The following PRDM8 variants were observed in gnomAD, a reference collection of about 807,000 sequenced individuals.
PRDM8 encodes PR/SET domain 8, also known as PR domain zinc finger protein 8.
PRDM8 carries 13 observed loss-of-function variants against 46.5 expected under a neutral mutation model. The observed-to-expected ratio is 0.28, with a 90% confidence interval of 0.18 to 0.44. PRDM8 has a LOEUF of 0.44. Ranked by LOEUF, PRDM8 falls within the 20% of genes least tolerant of loss-of-function variation. The pLI is 1.00. For missense variants in PRDM8, 998 were observed against 955.0 expected (o/e 1.04, Z -0.59); for synonymous variants, 473 against 438.4 (o/e 1.08, Z -0.98).
At chr4:80,198,465 A>T (rs1738138603) in intron 1 of PRDM8, among the ~76,000 whole-genome samples, 2 of 152,200 alleles carry the variant, frequency 1.3e-5, no homozygotes, top group South Asian at 4.1e-4. Flanking sequence ...TGGGGTTTTT[A>T]AAATGTATTT....
At position 80,202,544 on chromosome 4, in the gene PRDM8, AC is replaced by A; in HGVS notation, c.1083del (p.Phe362SerfsTer28). 1 of 1,535,692 alleles carries A rather than the reference AC, an allele frequency of 6.5e-7. No homozygotes were observed. The highest frequency in any genetic ancestry group is 8.7e-7 in the Non-Finnish European group (1 of 1,146,462). ...CAGCAGTACCGAGCCTCGGGCAGCT[AC>A]TTCGGCCTGGAAGAGAACGGCCGCC... is the stretch of plus-strand genomic sequence containing the variant. ...TPQQYRASGS[Y>X]FGLEENGRLF... is the part of the protein sequence containing the mutation. On this transcript the variant is annotated frameshift_variant, in exon 4 of 4. Transcript: ENST00000415738. LOFTEE classifies it high-confidence loss of function.
chr4:80,203,491 G>A lies in PRDM8; in HGVS notation c.2029G>A (p.Glu677Lys). Residue 677 changes from glutamate to lysine, a missense_variant, in exon 4 of 4, where the codon GAG becomes AAG. Transcript: ENST00000415738. ...CCCCATCTGCAATGAGTCCTTCAGG[G>A]AGCGCCACCACCTCTCCAGGCACAT... ...KCPICNESFR[E>K]RHHLSRHMTS... 1 of 1,613,244 alleles carries A rather than the reference G, an allele frequency of 6.2e-7. No individual in the cohort carries two copies. The highest frequency in any genetic ancestry group is 8.5e-7 in the Non-Finnish European group (1 of 1,179,694).
upstream of PRDM8, chr4:80,196,985 G>C: frequency 6.1e-6 from 6 of 985,440 alleles, no homozygotes; most frequent in African/African-American, 3.5e-5. Context: ...TAGTGTTGGC[G>C]CTCCTGAAGA....
intron 2 of PRDM8, among the ~76,000 whole-genome samples, chr4:80,191,844 A>G (rs1387234021): frequency 6.6e-6 from 1 of 152,192 alleles, no homozygotes; most frequent in African/African-American, 2.4e-5. Flanking sequence ...GATAGTTTTC[A>G]CTCAGAGTTC....
chr4:80,203,741 C>G lies in PRDM8; in HGVS notation c.*209C>G, dbSNP rs1048614856. 21 of 480,858 alleles carry G rather than the reference C, an allele frequency of 4.4e-5. No homozygotes were observed. Among genetic ancestry groups the G allele is most frequent in the Non-Finnish European group, 1.1e-5 (3 of 274,612 alleles). 29.8% of individuals were successfully genotyped at this position (480,858 alleles called of 1,614,324 possible). On this transcript the variant is annotated 3_prime_UTR_variant, in exon 4 of 4. Transcript: ENST00000415738. The stretch of plus-strand genomic sequence containing the variant: ...CAAATATTTACCCGGGACACACACC[C>G]CCCCCCACACACACACACAGACACA...
chr4:80,188,027 CACT>C (rs1737254096), intron 1 of PRDM8, among the ~76,000 whole-genome samples: 1 of 152,194 alleles, frequency 6.6e-6, no homozygotes, highest in Non-Finnish European at 1.5e-5. Context: ...TGTACCTAAA[CACT>C]AAAGACAAAA....
chr4:80,186,847 C>T (rs761980158), intron 1 of PRDM8, among the ~76,000 whole-genome samples: 6 of 152,204 alleles, frequency 3.9e-5, no homozygotes, highest in African/African-American at 7.2e-5. Context: ...AAAACCAAAG[C>T]TATTCAGGCT....
At chr4:80,195,508 GTGTGTGTGTGTGTT>G (rs1012560206), upstream of PRDM8, among the ~76,000 whole-genome samples, 2 of 151,782 alleles carry the variant, frequency 1.3e-5, no homozygotes, top group Non-Finnish European at 2.9e-5. Context: ...TTGTGTGTGT[GTGTGTGTGTGTGTT>G]TGTGTGTGTG....
At chr4:80,198,994 G>GTTTTTT (rs1310531623) in intron 1 of PRDM8, among the ~76,000 whole-genome samples, 17 of 63,470 alleles carry the variant, frequency 2.7e-4, no homozygotes, top group African/African-American at 8.3e-4. Context: ...TTTTTTTTTT[G>GTTTTTT]TTTTTTTTTT....
Position 80,201,918 on chromosome 4 carries a change from G to A in PRDM8, c.456G>A (p.Ser152=). The A allele has an allele frequency of 1.9e-6, 3 of 1,613,676 alleles. No homozygotes were observed. The East Asian group carries it at 6.7e-5, about 36-fold the overall frequency. The change falls in exon 4 of 4, where the codon TCG becomes TCA. Residue 152 remains serine (S), a synonymous_variant. Coordinates refer to ENST00000415738, the MANE Select transcript of PRDM8 (RefSeq NM_001099403.2). ...TGGTGTTTGCTCACTAAGCAGGGTC[G>A]TCCCCTTACACATGCCTGGAATGCA... The part of the protein sequence containing the change: ...PSRSHNKMNG[S]SPYTCLECSQ...
At position 80,203,300 on chromosome 4, in the gene PRDM8, C is replaced by G. The variant is rs1553906552; in HGVS notation, c.1838C>G (p.Pro613Arg). 3.1e-6 allele frequency: 5 copies of G among 1,610,716 alleles called. No homozygotes were observed. The highest frequency in any genetic ancestry group is 3.4e-6 in the Non-Finnish European group (4 of 1,179,098). The change falls in exon 4 of 4, where the codon CCG becomes CGG. Residue 613 changes from proline (P) to arginine (R), a missense_variant. By Grantham distance (103) the Pro-to-Arg change is moderately radical. Coordinates refer to ENST00000415738, the MANE Select transcript of PRDM8 (RefSeq NM_001099403.2). ...LQLPSALTLL[P>R]PSFTSLCLPA... is the part of the protein sequence containing the mutation. ...CTGCCCTCGGCGCTCACGCTGCTGC[C>G]GCCCTCCTTCACCTCGCTGTGTCTG...
chr4:80,195,967 A>C, upstream of PRDM8: 1 of 635,118 alleles, frequency 1.6e-6, no homozygotes, highest in Non-Finnish European at 2.0e-6. Context: ...AGAACAAGGA[A>C]GAACATGAAC....
At chr4:80,197,042 A>T, upstream of PRDM8, 1 of 985,424 alleles carries the variant, frequency 1.0e-6, no homozygotes. Context: ...TGCGCAAATC[A>T]GCGGTGGCTC....
At chr4:80,190,623 C>T (rs930761112) in intron 1 of PRDM8, among the ~76,000 whole-genome samples, 1 of 152,166 alleles carries the variant, frequency 6.6e-6, no homozygotes, top group African/African-American at 2.4e-5. Context: ...CATTGAAGTC[C>T]GTGATTTGGC....
In PRDM8 at chr4:80,201,451, A is replaced by G; in HGVS notation, c.381A>G (p.Leu127=). 1 of 1,614,182 alleles carries G rather than the reference A, an allele frequency of 6.2e-7. No individual in the cohort carries two copies. Among genetic ancestry groups the G allele is most frequent in the Non-Finnish European group, 8.5e-7 (1 of 1,180,022 alleles). Residue 127 remains leucine, a synonymous_variant, in exon 3 of 4, where the codon CTA becomes CTG. Coordinates refer to ENST00000415738, the MANE Select transcript of PRDM8 (RefSeq NM_001099403.2). ...GGATTGCCAAAGACGAGGAGTTACTAGTTTGGTACGGGAAAGAACTGACTG... is the reference window on the plus strand; with the variant it reads ...GGATTGCCAAAGACGAGGAGTTACTGGTTTGGTACGGGAAAGAACTGACTG... ...LRRIAKDEEL[L]VWYGKELTEL... is the part of the protein sequence containing the mutation.
chr4:80,203,603 G>A lies in PRDM8; in HGVS notation c.*71G>A. 6.7e-7 allele frequency: 1 copy of A among 1,496,420 alleles called. No homozygotes were observed. Among genetic ancestry groups the A allele is most frequent in the Non-Finnish European group, 8.9e-7 (1 of 1,120,088 alleles). 92.7% of individuals were successfully genotyped at this position (1,496,420 alleles called of 1,614,324 possible). ...GCCACCTGCAGGAATAAACACGCGAGAACATCCACCGCTTCCTTGCACCCC... is the reference window on the plus strand; with the variant it reads ...GCCACCTGCAGGAATAAACACGCGAAAACATCCACCGCTTCCTTGCACCCC... On this transcript the variant is annotated 3_prime_UTR_variant, in exon 4 of 4. Coordinates refer to ENST00000415738, the MANE Select transcript of PRDM8 (RefSeq NM_001099403.2).
chr4:80,190,576 CT>C (rs1737467109), intron 1 of PRDM8, among the ~76,000 whole-genome samples: 1 of 152,218 alleles, frequency 6.6e-6, no homozygotes, highest in African/African-American at 2.4e-5. Flanking sequence ...GGGCGTTACT[CT>C]CCTTGGATCT....
rs1202413667 is a variant in PRDM8, at chr4:80,202,948, G to C, written c.1486G>C (p.Glu496Gln). The C allele has an allele frequency of 2.0e-6, 3 of 1,472,130 alleles. No individual in the cohort carries two copies. Among genetic ancestry groups the C allele is most frequent in the Admixed American group, 2.4e-5 (1 of 41,410 alleles). The allele number at this position is 1,472,130 out of a possible 1,614,324, so 91.2% of individuals were successfully genotyped here. ...CGGGGGCCAGGGCGCCGCGTCGGAC[G>C]AGCGCAAAAGCGCCTTCTCGCAGCC... is the stretch of plus-strand genomic sequence containing the variant. ...AGGGQGAASDERKSAFSQPAR... is the reference protein window; with the variant it reads ...AGGGQGAASDQRKSAFSQPAR... The change falls in exon 4 of 4, where the codon GAG (glutamate) becomes CAG (glutamine). Residue 496 changes from glutamate to glutamine, a missense_variant. Transcript: ENST00000415738.
chr4:80,201,968 C>T lies in PRDM8; in HGVS notation c.506C>T (p.Pro169Leu), dbSNP rs775462847. ...ECSQRFQFEF[P>L]YVAHLRFRCP... ...AGCCAACGTTTCCAGTTTGAGTTCC[C>T]CTATGTGGCGCATCTGCGTTTCCGC... Residue 169 changes from proline (P) to leucine (L), a missense_variant, in exon 4 of 4, where the codon CCC becomes CTC. Physicochemically the swap from Pro to Leu is moderately conservative, Grantham distance 98. Coordinates refer to ENST00000415738, the MANE Select transcript of PRDM8 (RefSeq NM_001099403.2). 1 of 1,614,046 alleles carries T rather than the reference C, an allele frequency of 6.2e-7. No individual in the cohort carries two copies. Among genetic ancestry groups the T allele is most frequent in the Non-Finnish European group, 8.5e-7 (1 of 1,179,990 alleles).
Sources: gnomAD v4.1 joint callset for allele counts (sites outside exome capture counted in the v4.1 genomes callset) on GRCh38, gnomAD v4.1.1 for gene constraint, MANE v1.5 for transcripts, NCBI Gene and HGNC (gene_info 2026-07-23, HGNC 2026-07-21) for gene names.